LHFPL6: variants seen among roughly 807,000 people sequenced by gnomAD.
LHFPL6 encodes LHFPL tetraspan subfamily member 6 protein.
Under a neutral mutation model 20.6 loss-of-function variants are expected in LHFPL6, and 9 were observed. That is an observed-to-expected ratio of 0.44 (90% CI 0.26 to 0.76). The LOEUF (loss-of-function observed/expected upper bound fraction) is 0.76. Ranked by LOEUF, LHFPL6 falls within the 30% of genes least tolerant of loss-of-function variation. The pLI is 0.20. For missense variants in LHFPL6, 218 were observed against 253.5 expected, an observed-to-expected ratio of 0.86 and a Z score of 0.95; for synonymous variants, 105 against 98.7, an observed-to-expected ratio of 1.06 and a Z score of -0.38.
intron 2 of LHFPL6, among the ~76,000 whole-genome samples, chr13:39,482,950 T>C (rs138073972): frequency 1.2e-3 from 187 of 152,280 alleles, no homozygotes; most frequent in African/African-American, 4.2e-3. Flanking sequence ...GCAGGTAAAA[T>C]GGAAGACATT....
intron 2 of LHFPL6, among the ~76,000 whole-genome samples, chr13:39,464,424 C>T (rs139341717): frequency 1.3e-5 from 2 of 152,158 alleles, no homozygotes; most frequent in Non-Finnish European, 2.9e-5. Context: ...TCAAATGAAA[C>T]TGAAGATAAA....
intron 2 of LHFPL6, among the ~76,000 whole-genome samples, chr13:39,532,208 A>C (rs972436463): frequency 1.3e-5 from 2 of 152,102 alleles, no homozygotes; most frequent in Non-Finnish European, 2.9e-5. Context: ...TGAAAGAACA[A>C]CACTAATCCT....
At chr13:39,368,096 C>T (rs961835635) in intron 3 of LHFPL6, among the ~76,000 whole-genome samples, 5 of 152,120 alleles carry the variant, frequency 3.3e-5, no homozygotes, top group African/African-American at 9.7e-5. Flanking sequence ...GAGGCCAAGG[C>T]GGGTGGGTCA....
chr13:39,441,811 C>T (rs9315686), intron 2 of LHFPL6, among the ~76,000 whole-genome samples: 76,271 of 149,364 alleles, frequency 0.51, 20,839 homozygotes, highest in East Asian at 0.98. Flanking sequence ...CTACACTGCA[C>T]CTGGGCTAAA....
At chr13:39,598,027 T>C (rs1272224252) in intron 2 of LHFPL6, among the ~76,000 whole-genome samples, 3 of 152,242 alleles carry the variant, frequency 2.0e-5, no homozygotes, top group Non-Finnish European at 2.9e-5. Context: ...TAGCTAAACA[T>C]AACCCTCCTG....
At chr13:39,453,410 T>A (rs371893306) in intron 2 of LHFPL6, among the ~76,000 whole-genome samples, 1 of 152,238 alleles carries the variant, frequency 6.6e-6, no homozygotes, top group African/African-American at 2.4e-5. Flanking sequence ...TATATCATGA[T>A]GGGCATTTAA....
At chr13:39,381,173 T>A (rs1021439950) in intron 2 of LHFPL6, among the ~76,000 whole-genome samples, 2 of 152,172 alleles carry the variant, frequency 1.3e-5, no homozygotes, top group Non-Finnish European at 2.9e-5. Flanking sequence ...TAATTTCCTC[T>A]TTACCTGACA....
chr13:39,389,792 T>A (rs1870657574), intron 2 of LHFPL6, among the ~76,000 whole-genome samples: 1 of 152,188 alleles, frequency 6.6e-6, no homozygotes, highest in Non-Finnish European at 1.5e-5. Context: ...AGTTTTGATA[T>A]ACTAATATCA....
intron 2 of LHFPL6, among the ~76,000 whole-genome samples, chr13:39,539,669 C>G (rs1870736231): frequency 6.6e-6 from 1 of 152,168 alleles, no homozygotes. Context: ...TATCTCTTAC[C>G]AAGCAGGTGC....
intron 2 of LHFPL6, among the ~76,000 whole-genome samples, chr13:39,418,410 C>T (rs1424852030): frequency 3.4e-5 from 4 of 118,036 alleles, no homozygotes; most frequent in African/African-American, 6.8e-5. Flanking sequence ...TTCCAGAATG[C>T]CATATAACTA....
intron 3 of LHFPL6, among the ~76,000 whole-genome samples, chr13:39,353,844 G>T (rs892261753): frequency 7.2e-5 from 11 of 152,140 alleles, no homozygotes; most frequent in African/African-American, 2.7e-4. Flanking sequence ...CATTCTATGG[G>T]CTTCCTAATG....
At chr13:39,396,118 G>T (rs1870835223) in intron 2 of LHFPL6, among the ~76,000 whole-genome samples, 1 of 152,106 alleles carries the variant, frequency 6.6e-6, no homozygotes, top group Non-Finnish European at 1.5e-5. Context: ...GGTGTTGGGG[G>T]TGTCTCTGTG....
chr13:39,483,844 T>C (rs1352752708), intron 2 of LHFPL6, among the ~76,000 whole-genome samples: 1 of 152,216 alleles, frequency 6.6e-6, no homozygotes, highest in African/African-American at 2.4e-5. Flanking sequence ...CTAGTCTCAC[T>C]GAGCTCATAT....
At chr13:39,383,508 C>T (rs1386604439) in intron 2 of LHFPL6, among the ~76,000 whole-genome samples, 1 of 152,220 alleles carries the variant, frequency 6.6e-6, no homozygotes, top group African/African-American at 2.4e-5. Flanking sequence ...CTAGTGGCTA[C>T]CATATTGGAC....
At chr13:39,451,962 A>G (rs1332326475) in intron 2 of LHFPL6, among the ~76,000 whole-genome samples, 2 of 152,334 alleles carry the variant, frequency 1.3e-5, no homozygotes, top group East Asian at 1.9e-4. Context: ...ATGCACGTGC[A>G]TAAGACAAGC....
intron 2 of LHFPL6, among the ~76,000 whole-genome samples, chr13:39,442,962 G>C (rs1422154483): frequency 6.6e-6 from 1 of 151,964 alleles, no homozygotes; most frequent in Non-Finnish European, 1.5e-5. Context: ...TCCTTTTTCA[G>C]AGAGTTGAAA....
chr13:39,344,120 A>G lies in LHFPL6; in HGVS notation c.485-66T>C. ...GGATGATTTTGCAGCAGGGTTTCTT[A>G]TTGCTTCCAGTGTGTGGGTTCTGAA... On this transcript the variant is annotated intron_variant, in intron 3 of 3. Coordinates refer to ENST00000379589, the MANE Select transcript of LHFPL6 (RefSeq NM_005780.3). The G allele has an allele frequency of 1.5e-6, 2 of 1,324,404 alleles. 1 individual carries two copies. The highest frequency in any genetic ancestry group is 2.5e-5 in the South Asian group (2 of 80,998). The allele number at this position is 1,324,404 out of a possible 1,614,324, so 82.0% of individuals were successfully genotyped here.
intron 2 of LHFPL6, among the ~76,000 whole-genome samples, chr13:39,491,983 A>C (rs1868941044): frequency 6.6e-6 from 1 of 152,234 alleles, no homozygotes; most frequent in South Asian, 2.1e-4. Flanking sequence ...GTTTCTCAAA[A>C]TGTTTGGCAT....
chr13:39,344,370 T>G (rs958984846), intron 3 of LHFPL6, among the ~76,000 whole-genome samples: 1 of 152,132 alleles, frequency 6.6e-6, no homozygotes, highest in Admixed American at 6.5e-5. Flanking sequence ...AGGAGTTAAT[T>G]GTAACTTACA....
Sources: gnomAD v4.1 joint callset for allele counts (sites outside exome capture counted in the v4.1 genomes callset) on GRCh38, gnomAD v4.1.1 for gene constraint, MANE v1.5 for transcripts, NCBI Gene and HGNC (gene_info 2026-07-23, HGNC 2026-07-21) for gene names.